Variants in GRM7 observed in about 807,000 individuals in gnomAD.
GRM7 encodes the protein metabotropic glutamate receptor 7.
Under a neutral mutation model 84.5 loss-of-function variants are expected in GRM7, and 35 were observed. The observed-to-expected ratio is 0.41, with a 90% CI of 0.32 to 0.55. The LOEUF (loss-of-function observed/expected upper bound fraction) is 0.55. Among genes scored for constraint, GRM7 ranks in the 20% least tolerant of loss-of-function variants. The probability of loss-of-function intolerance (pLI) is 0.19; values close to 1 mark genes in which losing one functional copy is unlikely to be tolerated. For missense variants in GRM7, 1,003 were observed against 1,194.6 expected (o/e 0.84, Z 2.36); for synonymous variants, 487 against 455.1 (o/e 1.07, Z -0.89).
At chr3:7,137,567 A>T (rs1176436405) in intron 1 of GRM7, among the ~76,000 whole-genome samples, 1 of 152,096 alleles carries the variant, frequency 6.6e-6, no homozygotes, top group Non-Finnish European at 1.5e-5. Context: ...CCTTGAGAGA[A>T]ATAATTGGAG....
At chr3:7,666,024 G>C (rs1467615399) in intron 8 of GRM7, among the ~76,000 whole-genome samples, 2 of 152,162 alleles carry the variant, frequency 1.3e-5, no homozygotes, top group Admixed American at 1.3e-4. Context: ...ATTCTAGTGG[G>C]AGAGTAGGAC....
rs112925066 is a variant in GRM7, at chr3:7,548,910, A to G, written c.1516-29512A>G. Among the ~76,000 whole-genome samples the G allele has an allele frequency of 6.8e-3, 1,029 of 152,338 alleles. 13 individuals carry two copies. The highest frequency in any genetic ancestry group is 0.023 in the African/African-American group (954 of 41,586). On this transcript the variant is annotated intron_variant, in intron 7 of 9. Transcript: ENST00000357716. ...TAAATAAAATCAGGACACTTTTCAC[A>G]GAGCCTAGAACTCTGCAGGACTCAA...
chr3:6,863,095 ACT>A lies in GRM7; in HGVS notation c.519+1195_519+1196del, dbSNP rs1183790004. On this transcript the variant is annotated intron_variant, in intron 1 of 9. Coordinates refer to ENST00000357716, the MANE Select transcript of GRM7 (RefSeq NM_000844.4). This position sits in a 1 kb window ranked among gnomAD's most constrained non-coding sequence, Gnocchi z 4.8. ...CTGTGTCTTTCCCTATATGTGCATCACTCTCTCTTTCTGTCTCTGTCTCCTTG... is the reference window on the plus strand; with the variant it reads ...CTGTGTCTTTCCCTATATGTGCATCACTCTCTTTCTGTCTCTGTCTCCTTG... 8 of 356,758 alleles carry A rather than the reference ACT, an allele frequency of 2.2e-5. No homozygotes were observed. Among genetic ancestry groups the A allele is most frequent in the African/African-American group, 2.0e-4 (8 of 40,578 alleles). The allele number at this position is 356,758 out of a possible 1,614,324, so 22.1% of individuals were successfully genotyped here. A position where few individuals can be genotyped will look rare whatever the true frequency, so the allele number is the denominator to read the frequency against.
intron 1 of GRM7, among the ~76,000 whole-genome samples, chr3:7,082,184 C>T (rs910531115): frequency 3.9e-5 from 6 of 152,114 alleles, no homozygotes; most frequent in African/African-American, 1.4e-4. Context: ...CAATGCCTGA[C>T]TTCAAAGCTT....
At chr3:7,481,848 G>A (rs1172046457) in intron 7 of GRM7, among the ~76,000 whole-genome samples, 2 of 152,232 alleles carry the variant, frequency 1.3e-5, no homozygotes, top group African/African-American at 2.4e-5. Context: ...AGAAAGCATA[G>A]AAGGTGTGAA....
intron 7 of GRM7, among the ~76,000 whole-genome samples, chr3:7,489,356 T>C (rs943996844): frequency 7.2e-5 from 11 of 152,226 alleles, no homozygotes; most frequent in Non-Finnish European, 1.3e-4. Flanking sequence ...TCTAATTTAG[T>C]ATCCACAGTA....
chr3:6,949,504 C>T (rs900103037), intron 1 of GRM7, among the ~76,000 whole-genome samples: 8 of 151,960 alleles, frequency 5.3e-5, no homozygotes, highest in Admixed American at 6.6e-5. Flanking sequence ...TCCTTCATTT[C>T]AACTTTGGTG....
At chr3:7,551,821 C>T (rs1693493098) in intron 7 of GRM7, among the ~76,000 whole-genome samples, 3 of 152,076 alleles carry the variant, frequency 2.0e-5, no homozygotes, top group Non-Finnish European at 4.4e-5. Flanking sequence ...TTTCTTACTG[C>T]TATAAAGAAC....
intron 4 of GRM7, 130 bp downstream of exon 4, chr3:7,306,782 A>G: frequency 1.5e-6 from 1 of 671,538 alleles, no homozygotes; most frequent in Non-Finnish European, 2.4e-6. Flanking sequence ...ACTTATAGCC[A>G]TGAAATGCAA....
chr3:7,240,180 A>G (rs1248052036), intron 2 of GRM7, among the ~76,000 whole-genome samples: 1 of 115,430 alleles, frequency 8.7e-6, no homozygotes, highest in Non-Finnish European at 1.6e-5. Flanking sequence ...TGGCAATCTG[A>G]TGGAGAAAGC....
At chr3:7,300,955 A>G (rs1021274209) in intron 3 of GRM7, among the ~76,000 whole-genome samples, 3 of 152,214 alleles carry the variant, frequency 2.0e-5, no homozygotes, top group African/African-American at 7.2e-5. Flanking sequence ...GCGTTGAACA[A>G]GTGAATGAAA....
intron 1 of GRM7, among the ~76,000 whole-genome samples, chr3:7,103,803 T>TC: frequency 2.7e-5 from 3 of 111,278 alleles, no homozygotes; most frequent in African/African-American, 1.5e-4. Flanking sequence ...TCTTTCTTTC[T>TC]TTCTTTCTTT....
chr3:6,861,763 G>A lies in GRM7; in HGVS notation c.375G>A (p.Ala125=), dbSNP rs926679980. 5 of 1,614,188 alleles carry A rather than the reference G, an allele frequency of 3.1e-6. No individual in the cohort carries two copies. Among genetic ancestry groups the A allele is most frequent in the South Asian group, 1.1e-5 (1 of 91,092 alleles). Residue 125 remains alanine (A), a synonymous_variant, in exon 1 of 10, where the codon GCG becomes GCA. Coordinates refer to ENST00000357716, the MANE Select transcript of GRM7 (RefSeq NM_000844.4). This position sits in a 1 kb window ranked among gnomAD's most constrained non-coding sequence, Gnocchi z 6.4. ...ALEQSLTFVQ[A]LIQKDTSDVR... is the part of the protein sequence containing the mutation. ...AACAGTCGCTTACTTTCGTCCAGGC[G>A]CTCATCCAGAAGGACACCTCCGACG...
At chr3:7,686,099 C>T (rs959346746) in intron 9 of GRM7, among the ~76,000 whole-genome samples, 1 of 152,096 alleles carries the variant, frequency 6.6e-6, no homozygotes, top group African/African-American at 2.4e-5. Flanking sequence ...TATGTTTGGG[C>T]TGGTTCCCTC....
At chr3:7,567,384 G>A (rs1429795334) in intron 7 of GRM7, among the ~76,000 whole-genome samples, 3 of 152,144 alleles carry the variant, frequency 2.0e-5, no homozygotes, top group Admixed American at 1.3e-4. Flanking sequence ...CAATGACATT[G>A]TGATTTGCAT....
intron 2 of GRM7, among the ~76,000 whole-genome samples, chr3:7,170,250 A>G (rs774368297): frequency 6.6e-5 from 10 of 152,296 alleles, no homozygotes; most frequent in Middle Eastern, 3.4e-3. Flanking sequence ...ATGGGAGTAC[A>G]TTAAGTGGGT....
Position 7,461,671 on chromosome 3 carries a change from C to A in GRM7, c.1464C>A (p.Ser488Arg). Reference protein sequence around the residue: ...DIFQYQTTNTSNPGYRLIGQW... With the variant: ...DIFQYQTTNTRNPGYRLIGQW... ...TTCAGTACCAGACCACAAACACCAGCAACCCGGGTTACCGTCTGATCGGGC... is the reference window on the plus strand; with the variant it reads ...TTCAGTACCAGACCACAAACACCAGAAACCCGGGTTACCGTCTGATCGGGC... The change falls in exon 7 of 10, where the codon AGC (serine) becomes AGA (arginine). Residue 488 changes from serine (S) to arginine (R), a missense_variant. This residue lies in a region of GRM7 where 910 missense variants were observed against 1,126.0 expected (regional missense o/e 0.81). Transcript: ENST00000357716. The A allele has an allele frequency of 1.2e-6, 2 of 1,613,790 alleles. No homozygotes were observed. The highest frequency in any genetic ancestry group is 1.7e-6 in the Non-Finnish European group (2 of 1,179,706).
chr3:7,457,664 T>C (rs976816506), intron 6 of GRM7, among the ~76,000 whole-genome samples: 4 of 152,182 alleles, frequency 2.6e-5, no homozygotes, highest in African/African-American at 7.2e-5. Flanking sequence ...TCCCTTTGAG[T>C]GAGCCTGTGA....
At chr3:7,316,817 C>T (rs576362253) in intron 4 of GRM7, among the ~76,000 whole-genome samples, 1 of 152,128 alleles carries the variant, frequency 6.6e-6, no homozygotes, top group East Asian at 1.9e-4. Flanking sequence ...TTATGGGAGA[C>T]ATCTGGAAAC....
Sources: gnomAD v4.1 joint callset for allele counts (sites outside exome capture counted in the v4.1 genomes callset) on GRCh38, gnomAD v4.1.1 for gene constraint, gnomAD v4.1.1 regional missense constraint, Gnocchi (gnomAD v3.1) non-coding constraint, MANE v1.5 for transcripts, NCBI Gene and HGNC (gene_info 2026-07-23, HGNC 2026-07-21) for gene names.